The following WRNIP1 variants were observed in gnomAD, a reference collection of about 807,000 sequenced individuals.
The protein encoded by WRNIP1 is ATPase WRNIP1.
In WRNIP1, 41 loss-of-function variants were observed where a neutral mutation model predicts 56.1. The ratio of observed to expected loss-of-function variants is 0.73; its 90% CI spans 0.57 to 0.95. The LOEUF is 0.95. Among genes scored for constraint, WRNIP1 ranks in the 40% least tolerant of loss-of-function variants. The pLI is 0.00. For missense variants in WRNIP1, 1,170 were observed against 939.4 expected, an observed-to-expected ratio of 1.25 and a Z score of -3.21; for synonymous variants, 547 against 398.1, an observed-to-expected ratio of 1.37 and a Z score of -4.45.
At chr6:2,773,066 G>A in intron 3 of WRNIP1, 1 of 985,416 alleles carries the variant, frequency 1.0e-6, no homozygotes, top group Non-Finnish European at 1.2e-6. Context: ...CACTGGATTT[G>A]GAAACTAATC....
At position 2,785,486 on chromosome 6, in the gene WRNIP1, A is replaced by G; in HGVS notation, c.*204A>G. On this transcript the variant is annotated 3_prime_UTR_variant, in exon 7 of 7. Transcript: ENST00000380773. ...AATTGTGTTCATTTGCACTCGGTGC[A>G]GCGGTTATGCTTATGAAAATACCTG... The G allele has an allele frequency of 1.7e-6, 1 of 598,042 alleles. No individual in the cohort carries two copies. The allele number at this position is 598,042 out of a possible 1,614,324, so 37.0% of individuals were successfully genotyped here. A position where few individuals can be genotyped will look rare whatever the true frequency, so the allele number is the denominator to read the frequency against.
chr6:2,775,891 A>T (rs1200630224), intron 3 of WRNIP1, among the ~76,000 whole-genome samples: 1 of 152,120 alleles, frequency 6.6e-6, no homozygotes, highest in African/African-American at 2.4e-5. Flanking sequence ...GTTTATTTCC[A>T]TGTAGGATGT....
chr6:2,774,164 G>C, intron 3 of WRNIP1: 1 of 985,126 alleles, frequency 1.0e-6, no homozygotes, highest in Non-Finnish European at 1.2e-6. Context: ...AATTTTTTAA[G>C]TACATTAATA....
Position 2,766,214 on chromosome 6 carries a change from ACC to A in WRNIP1, c.593_594del (p.Thr198SerfsTer36). ...GGACGCGGACGCTGCCGAAGCCGCC[ACC>A]GCCTTCGGGGCCAGTGGCGGGGGCC... is the stretch of plus-strand genomic sequence containing the variant. Reference protein sequence around the residue: ...HWDADAAEAATAFGASGGGRP... With the variant: ...HWDADAAEAAXAFGASGGGRP... On this transcript the variant is annotated frameshift_variant, in exon 1 of 7. Transcript: ENST00000380773. LOFTEE classifies it high-confidence loss of function. 4 of 1,469,994 alleles carry A rather than the reference ACC, an allele frequency of 2.7e-6. No homozygotes were observed. The highest frequency in any genetic ancestry group is 2.7e-6 in the Non-Finnish European group (3 of 1,107,694). 91.1% of individuals were successfully genotyped at this position (1,469,994 alleles called of 1,614,324 possible).
intron 2 of WRNIP1, 146 bp from the exon 3 acceptor site, chr6:2,769,974 A>G (rs1765204771): frequency 6.8e-6 from 8 of 1,172,822 alleles, no homozygotes; most frequent in South Asian, 6.0e-5. Context: ...TATTGCATCT[A>G]TATTCAGTGA....
chr6:2,773,875 G>A (rs1193627528), intron 3 of WRNIP1: 8 of 985,146 alleles, frequency 8.1e-6, no homozygotes, highest in East Asian at 1.1e-4. Context: ...GCTGAGTTCC[G>A]AGAGGTGGTT....
chr6:2,767,161 C>G lies in WRNIP1; in HGVS notation c.822+717C>G, dbSNP rs114378463. On this transcript the variant is annotated intron_variant, in intron 1 of 6. Coordinates refer to ENST00000380773, the MANE Select transcript of WRNIP1 (RefSeq NM_020135.3). ...TCTGTGTCCCTTCGTGAGGCGTTAGCGTTCCAGATGAGGGCAGTTAGGATA... is the reference window on the plus strand; with the variant it reads ...TCTGTGTCCCTTCGTGAGGCGTTAGGGTTCCAGATGAGGGCAGTTAGGATA... Among the ~76,000 whole-genome samples the G allele has an allele frequency of 4.3e-3, 660 of 152,294 alleles. 4 individuals carry two copies. The highest frequency in any genetic ancestry group is 0.014 in the African/African-American group (590 of 41,544).
intron 4 of WRNIP1, 78 bp downstream of exon 4, chr6:2,779,570 A>T: frequency 4.8e-6 from 7 of 1,446,774 alleles, no homozygotes; most frequent in Non-Finnish European, 6.6e-6. Flanking sequence ...CGGAAGCCTG[A>T]CTGGGTTCCG....
In WRNIP1 at chr6:2,765,694, G is replaced by A. The variant is rs780431237; in HGVS notation, c.72G>A (p.Gln24=). ...ACCAGGTGCAGTGCCCCGTGTGCCA[G>A]CAGATGATGCCCGCCGCGCACATCA... The part of the protein sequence containing the change: ...QLHQVQCPVC[Q]QMMPAAHINS... The change falls in exon 1 of 7, where the codon CAG becomes CAA. Residue 24 remains glutamine (Q), a synonymous_variant. Transcript: ENST00000380773. 21 of 1,549,364 alleles carry A rather than the reference G, an allele frequency of 1.4e-5. No homozygotes were observed. Among genetic ancestry groups the A allele is most frequent in the Admixed American group, 1.1e-4 (6 of 55,556 alleles).
chr6:2,768,579 G>A (rs1014949470), intron 1 of WRNIP1, 112 bp from the exon 2 acceptor site: 13 of 793,276 alleles, frequency 1.6e-5, no homozygotes, highest in Non-Finnish European at 2.5e-5. Context: ...GCATTCTTCC[G>A]AGGTCAAGTT....
chr6:2,773,892 C>G (rs1433444942), intron 3 of WRNIP1: 1 of 985,146 alleles, frequency 1.0e-6, no homozygotes, highest in Non-Finnish European at 1.2e-6. Flanking sequence ...GGTTGGAAGA[C>G]AGAAAGTGGC....
intron 2 of WRNIP1, 65 bp downstream of exon 2, chr6:2,768,947 C>A: frequency 6.7e-7 from 1 of 1,484,106 alleles, no homozygotes; most frequent in Non-Finnish European, 9.1e-7. Context: ...TGTGTGAGAT[C>A]ACTATACAAA....
chr6:2,771,180 G>T (rs1765267305), intron 3 of WRNIP1, among the ~76,000 whole-genome samples: 1 of 152,192 alleles, frequency 6.6e-6, no homozygotes, highest in African/African-American at 2.4e-5. Context: ...GCTCGTGCCT[G>T]CCCTGAGGCC....
Position 2,765,709 on chromosome 6 carries a change from C to A in WRNIP1, c.87C>A (p.Ala29=), listed in dbSNP as rs759252797. ...CCGTGTGCCAGCAGATGATGCCCGC[C>A]GCGCACATCAACTCGCACCTGGACC... ...QCPVCQQMMP[A]AHINSHLDRC... Residue 29 remains alanine, a synonymous_variant, in exon 1 of 7, where the codon GCC becomes GCA. Coordinates refer to ENST00000380773, the MANE Select transcript of WRNIP1 (RefSeq NM_020135.3). The A allele has an allele frequency of 2.6e-6, 4 of 1,545,746 alleles. No homozygotes were observed. The highest frequency in any genetic ancestry group is 1.7e-6 in the Non-Finnish European group (2 of 1,154,426).
chr6:2,769,991 G>A (rs1333723576), intron 2 of WRNIP1, 129 bp from the exon 3 acceptor site: 1 of 1,334,994 alleles, frequency 7.5e-7, no homozygotes, highest in Non-Finnish European at 1.0e-6. Context: ...GTGAATATAA[G>A]GCTGCTGCTA....
intron 3 of WRNIP1, among the ~76,000 whole-genome samples, chr6:2,774,726 T>C (rs1459460435): frequency 1.3e-5 from 2 of 152,160 alleles, no homozygotes; most frequent in African/African-American, 4.8e-5. Flanking sequence ...TGTGCCTCCA[T>C]GGGATTAAAC....
intron 3 of WRNIP1, among the ~76,000 whole-genome samples, chr6:2,776,388 C>T (rs1004017640): frequency 4.6e-5 from 7 of 152,096 alleles, no homozygotes; most frequent in Admixed American, 6.5e-5. Flanking sequence ...ATCTGGGCCT[C>T]GAAATACTTT....
chr6:2,767,053 C>T (rs1765046167), intron 1 of WRNIP1, among the ~76,000 whole-genome samples: 1 of 152,188 alleles, frequency 6.6e-6, no homozygotes, highest in African/African-American at 2.4e-5. Flanking sequence ...ATCTGCAAGT[C>T]ATTTTCATCC....
chr6:2,785,119 C>A lies in WRNIP1; in HGVS notation c.1835C>A (p.Pro612His). Residue 612 changes from proline (P) to histidine (H), a missense_variant, in exon 7 of 7, where the codon CCC becomes CAC. Pro to His is a moderately conservative substitution (Grantham distance 77, BLOSUM62 -2). Transcript: ENST00000380773. ...ACLRNHQGPL[P>H]PVPLHLRNAP... The stretch of plus-strand genomic sequence containing the variant: ...CTGAGGAACCACCAGGGGCCACTGC[C>A]CCCCGTGCCCCTGCACCTGAGGAAC... 2.5e-6 allele frequency: 4 copies of A among 1,614,208 alleles called. No individual in the cohort carries two copies. The highest frequency in any genetic ancestry group is 3.4e-6 in the Non-Finnish European group (4 of 1,180,042).
Sources: gnomAD v4.1 joint callset for allele counts (sites outside exome capture counted in the v4.1 genomes callset) on GRCh38, gnomAD v4.1.1 for gene constraint, MANE v1.5 for transcripts, NCBI Gene and HGNC (gene_info 2026-07-23, HGNC 2026-07-21) for gene names.